Variants in SCPEP1 observed in about 807,000 individuals in gnomAD.
SCPEP1 encodes the protein retinoid-inducible serine carboxypeptidase.
SCPEP1 carries 51 observed loss-of-function variants against 63.8 expected under a neutral mutation model. The observed-to-expected ratio is 0.80, with a 90% CI of 0.64 to 1.01. The LOEUF (loss-of-function observed/expected upper bound fraction) is 1.01. SCPEP1 is among the 50% of genes least tolerant of loss of function. The pLI is 0.00. For missense variants in SCPEP1, 499 were observed against 554.9 expected (o/e 0.90, Z 1.01); for synonymous variants, 204 against 207.8 (o/e 0.98, Z 0.16).
At chr17:57,001,726 G>A (rs1415495914) in intron 11 of SCPEP1, among the ~76,000 whole-genome samples, 1 of 152,198 alleles carries the variant, frequency 6.6e-6, no homozygotes, top group Non-Finnish European at 1.5e-5. Flanking sequence ...GCCTCCAGAG[G>A]TCCCCAGTTC....
intron 3 of SCPEP1, chr17:56,987,467 CTTTT>C (rs34593566): frequency 4.6e-4 from 125 of 273,000 alleles, no homozygotes; most frequent in South Asian, 6.9e-4. Context: ...CTGCCTCTCC[CTTTT>C]TTTTTTTTTG....
At chr17:56,982,109 G>A (rs1342668267) in intron 2 of SCPEP1, among the ~76,000 whole-genome samples, 2 of 152,166 alleles carry the variant, frequency 1.3e-5, no homozygotes, top group African/African-American at 2.4e-5. Flanking sequence ...GCTCTTTTCT[G>A]GCATTTCTGA....
Position 56,980,788 on chromosome 17 carries a change from CAAAAAAAA to C in SCPEP1, c.77-277_77-270del, listed in dbSNP as rs10716600. Among the ~76,000 whole-genome samples, 571 of 77,198 alleles carry C rather than the reference CAAAAAAAA, an allele frequency of 7.4e-3. 3 individuals carry two copies. Among genetic ancestry groups the C allele is most frequent in the African/African-American group, 0.026 (534 of 20,540 alleles). 50.6% of individuals were successfully genotyped at this position (77,198 alleles called of 152,430 possible). On this transcript the variant is annotated intron_variant, in intron 1 of 12. Coordinates refer to ENST00000262288, the MANE Select transcript of SCPEP1 (RefSeq NM_021626.3). ...GGGCAACAAGAGCGAGACTTCGTAT[CAAAAAAAA>C]AAAAAAAAAAAAAAAAGTGTTTCAT...
At chr17:57,001,436 C>T (rs1371055430) in intron 11 of SCPEP1, among the ~76,000 whole-genome samples, 1 of 152,132 alleles carries the variant, frequency 6.6e-6, no homozygotes, top group Admixed American at 6.5e-5. Context: ...TGACTCCTGC[C>T]CTATCACCTA....
At chr17:56,981,536 C>T (rs1461204477) in intron 2 of SCPEP1, among the ~76,000 whole-genome samples, 4 of 152,048 alleles carry the variant, frequency 2.6e-5, no homozygotes, top group Non-Finnish European at 5.9e-5. Context: ...GTTTTGAGGC[C>T]GGGCACAGTG....
intron 3 of SCPEP1, 110 bp from the exon 4 acceptor site, chr17:56,987,585 G>T (rs191880215): frequency 1.3e-5 from 12 of 949,284 alleles, no homozygotes; most frequent in Non-Finnish European, 1.8e-5. Flanking sequence ...TCATCACCAC[G>T]CTGGTATCCT....
chr17:56,994,150 A>T (rs1372518708), intron 6 of SCPEP1, among the ~76,000 whole-genome samples: 2 of 152,220 alleles, frequency 1.3e-5, no homozygotes, highest in African/African-American at 4.8e-5. Context: ...CAGACTGGGC[A>T]ACATGGACTT....
intron 2 of SCPEP1, 198 bp from the exon 3 acceptor site, chr17:56,985,180 C>G (rs1050161305): frequency 1.2e-5 from 7 of 608,374 alleles, no homozygotes; most frequent in African/African-American, 1.9e-5. Context: ...AGCTCTGCTC[C>G]TTTCAGAGAA....
chr17:56,978,202 CT>C lies in SCPEP1; in HGVS notation c.44del (p.Leu15ArgfsTer9). The C allele has an allele frequency of 6.4e-7, 1 of 1,562,076 alleles. No individual in the cohort carries two copies. Among genetic ancestry groups the C allele is most frequent in the Non-Finnish European group, 8.6e-7 (1 of 1,159,014 alleles). On this transcript the variant is annotated frameshift_variant, in exon 1 of 13. Coordinates refer to ENST00000262288, the MANE Select transcript of SCPEP1 (RefSeq NM_021626.3). LOFTEE classifies it high-confidence loss of function. ...GCGCTCTCCCGTCCCGCGGTGGTTG[CT>C]GCTGCTGCCGCTGCTGCTGGGCCTG... ...LRRSPVPRWL[L>X]LLPLLLGLNA...
chr17:56,993,896 AG>A (rs1323012149), intron 6 of SCPEP1, among the ~76,000 whole-genome samples: 1 of 152,238 alleles, frequency 6.6e-6, no homozygotes, highest in East Asian at 1.9e-4. Flanking sequence ...CAGATCAAAC[AG>A]GAAGTGGGAT....
chr17:57,001,135 G>A (rs772780771), intron 11 of SCPEP1, 143 bp downstream of exon 11: 13 of 894,962 alleles, frequency 1.5e-5, no homozygotes, highest in South Asian at 4.6e-5. Flanking sequence ...CGTCTACCCC[G>A]ACCTTGATTA....
chr17:56,981,072 T>A lies in SCPEP1; in HGVS notation c.77-10T>A, dbSNP rs1911053838. The A allele has an allele frequency of 1.9e-6, 3 of 1,614,100 alleles. No homozygotes were observed. The highest frequency in any genetic ancestry group is 2.5e-6 in the Non-Finnish European group (3 of 1,179,990). ...CTCTTCTGGAGAGTGAAATTGAACT[T>A]CTGTTTCAGGAGCTGTCATTGACTG... On this transcript the variant is annotated splice_polypyrimidine_tract_variant and intron_variant, in intron 1 of 12. Coordinates refer to ENST00000262288, the MANE Select transcript of SCPEP1 (RefSeq NM_021626.3).
intron 2 of SCPEP1, 71 bp from the exon 3 acceptor site, chr17:56,985,307 C>T: frequency 2.6e-6 from 3 of 1,142,604 alleles, no homozygotes; most frequent in South Asian, 2.5e-5. Flanking sequence ...CCATCTATAG[C>T]AAATGTGGTC....
At chr17:56,985,590 T>G (rs1911192004) in intron 3 of SCPEP1, 123 bp downstream of exon 3, 1 of 730,420 alleles carries the variant, frequency 1.4e-6, no homozygotes, top group African/African-American at 1.8e-5. Flanking sequence ...CTGTGACTAC[T>G]GAGGCCATGG....
At chr17:56,999,906 C>T (rs529604072) in intron 10 of SCPEP1, among the ~76,000 whole-genome samples, 2 of 150,776 alleles carry the variant, frequency 1.3e-5, no homozygotes, top group Admixed American at 6.6e-5. Flanking sequence ...CGCTTGAACC[C>T]GAGAGGCAGA....
chr17:56,987,516 G>GT (rs1218751840), intron 3 of SCPEP1, 179 bp from the exon 4 acceptor site: 2,581 of 460,896 alleles, frequency 5.6e-3, no homozygotes, highest in Middle Eastern at 9.4e-3. Context: ...CTTTGTTTTT[G>GT]TTTTTTTTTC....
chr17:56,989,851 G>T (rs559444188), intron 5 of SCPEP1, among the ~76,000 whole-genome samples: 8 of 152,280 alleles, frequency 5.3e-5, no homozygotes, highest in Non-Finnish European at 1.0e-4. Context: ...GGAGGCTGAG[G>T]CAGGAGAACT....
intron 7 of SCPEP1, chr17:56,995,231 T>C (rs1911510569): frequency 3.5e-6 from 2 of 566,162 alleles, no homozygotes; most frequent in South Asian, 2.6e-5. Context: ...TTTTTCCAGA[T>C]ATAAGAAACA....
intron 2 of SCPEP1, among the ~76,000 whole-genome samples, chr17:56,982,236 C>A (rs1911088555): frequency 6.6e-6 from 1 of 152,100 alleles, no homozygotes; most frequent in South Asian, 2.1e-4. Flanking sequence ...ACCCTGGGCC[C>A]CTCATCAGTA....
Sources: gnomAD v4.1 joint callset for allele counts (sites outside exome capture counted in the v4.1 genomes callset) on GRCh38, gnomAD v4.1.1 for gene constraint, MANE v1.5 for transcripts, NCBI Gene and HGNC (gene_info 2026-07-23, HGNC 2026-07-21) for gene names.